The following CNBD1 variants were observed in gnomAD, a reference collection of about 807,000 sequenced individuals.
The protein encoded by CNBD1 is cyclic nucleotide binding domain containing 1, also known as cyclic nucleotide-binding domain-containing protein 1.
CNBD1 carries 71 observed loss-of-function variants against 54.4 expected under a neutral mutation model. That is an observed-to-expected ratio of 1.30 (90% CI 1.08 to 1.59). The LOEUF is 1.59. CNBD1 is among the 40% of genes most tolerant of loss of function. CNBD1 has a pLI of 0.00. For synonymous variants in CNBD1, 182 were observed against 170.7 expected (o/e 1.07, Z -0.51); for missense variants, 659 against 518.0 (o/e 1.27, Z -2.64).
chr8:87,240,323 G>T (rs1442724229), intron 6 of CNBD1, among the ~76,000 whole-genome samples: 1 of 152,066 alleles, frequency 6.6e-6, no homozygotes, highest in Admixed American at 6.6e-5. Context: ...TTGGAATTAT[G>T]TGGAAAAAAC....
chr8:86,950,694 T>C (rs985300545), intron 4 of CNBD1, among the ~76,000 whole-genome samples: 1 of 152,190 alleles, frequency 6.6e-6, no homozygotes, highest in Non-Finnish European at 1.5e-5. Context: ...CCCCTGTTTT[T>C]CAGAATAGTT....
At chr8:87,133,908 T>C (rs1460561469) in intron 4 of CNBD1, among the ~76,000 whole-genome samples, 1 of 152,138 alleles carries the variant, frequency 6.6e-6, no homozygotes, top group Admixed American at 6.6e-5. Context: ...GAGGCTCTAA[T>C]GGTAGAGCAC....
Position 87,389,811 on chromosome 8 carries a change from C to T in CNBD1, c.213+36025C>T, listed in dbSNP as rs140074298. Among the ~76,000 whole-genome samples, 400 of 152,254 alleles carry T rather than the reference C, an allele frequency of 2.6e-3. 9 individuals are homozygous for T. Among genetic ancestry groups the T allele is most frequent in the East Asian group, 0.017 (90 of 5,168 alleles). On this transcript the variant is annotated intron_variant, in intron 2 of 7. Coordinates refer to the CNBD1 transcript ENST00000521593. ...CCCAGTCAATCCTAAGCCGAAAGAA[C>T]AAAACTGGAGGCATCACGCTACCTG...
intron 8 of CNBD1, among the ~76,000 whole-genome samples, chr8:87,341,745 G>A (rs1041996080): frequency 2.6e-5 from 4 of 152,174 alleles, no homozygotes; most frequent in African/African-American, 9.7e-5. Context: ...GTAGCAACAA[G>A]ACATAATCTT....
chr8:86,883,725 A>C (rs952308782), intron 1 of CNBD1, among the ~76,000 whole-genome samples: 2 of 152,218 alleles, frequency 1.3e-5, no homozygotes, highest in South Asian at 2.1e-4. Flanking sequence ...AATTTCAAAA[A>C]ATATGAAGAA....
chr8:86,920,799 G>T (rs1809258418), intron 3 of CNBD1, among the ~76,000 whole-genome samples: 4 of 152,146 alleles, frequency 2.6e-5, no homozygotes, highest in Admixed American at 2.6e-4. Context: ...ATTTTACTGA[G>T]AATTTTACTT....
intron 4 of CNBD1, among the ~76,000 whole-genome samples, chr8:87,175,685 C>T (rs1378823852): frequency 6.6e-6 from 1 of 152,182 alleles, no homozygotes; most frequent in Admixed American, 6.5e-5. Flanking sequence ...GTTGTATTGC[C>T]TGGGGTTGGC....
intron 4 of CNBD1, among the ~76,000 whole-genome samples, chr8:87,125,549 A>C (rs1220031577): frequency 6.6e-6 from 1 of 151,856 alleles, no homozygotes; most frequent in African/African-American, 2.4e-5. Context: ...ATTCCATCTG[A>C]ATAGTCAAAT....
intron 8 of CNBD1, among the ~76,000 whole-genome samples, chr8:87,348,176 G>T (rs1810212215): frequency 6.6e-6 from 1 of 152,076 alleles, no homozygotes; most frequent in Non-Finnish European, 1.5e-5. Flanking sequence ...AGAAGGCATT[G>T]TATAATTGGA....
intron 4 of CNBD1, among the ~76,000 whole-genome samples, chr8:87,040,705 T>C (rs1586216395): frequency 6.6e-6 from 1 of 152,058 alleles, no homozygotes; most frequent in Non-Finnish European, 1.5e-5. Flanking sequence ...ATGACAGGCG[T>C]GAGCCACTGC....
intron 3 of CNBD1, among the ~76,000 whole-genome samples, chr8:86,905,459 A>C (rs1809003623): frequency 6.6e-6 from 1 of 152,198 alleles, no homozygotes; most frequent in African/African-American, 2.4e-5. Flanking sequence ...AATGAACGGC[A>C]GTGTTTATGA....
intron 2 of CNBD1, chr8:87,428,503 T>C (rs1403512146): frequency 2.7e-6 from 1 of 364,254 alleles, no homozygotes; most frequent in Non-Finnish European, 5.4e-6. Flanking sequence ...ATGAAGATTA[T>C]TTTTTTATGA....
chr8:87,087,557 G>A (rs1811126724), intron 4 of CNBD1, among the ~76,000 whole-genome samples: 1 of 147,650 alleles, frequency 6.8e-6, no homozygotes, highest in Admixed American at 6.9e-5. Flanking sequence ...TCCGCCTCCC[G>A]GGTTCACGCC....
intron 2 of CNBD1, among the ~76,000 whole-genome samples, chr8:87,424,004 G>T (rs965499842): frequency 6.6e-6 from 1 of 152,156 alleles, no homozygotes; most frequent in Non-Finnish European, 1.5e-5. Flanking sequence ...TTTAGTCTTG[G>T]GAGAGTGTAT....
intron 6 of CNBD1, 182 bp downstream of exon 6, chr8:87,237,294 G>T (rs1022385061): frequency 5.3e-5 from 22 of 414,202 alleles, no homozygotes; most frequent in Admixed American, 1.7e-4. Flanking sequence ...TTTGATAAAG[G>T]ATGCCTTCAA....
chr8:86,918,817 G>C (rs1018263846), intron 3 of CNBD1, among the ~76,000 whole-genome samples: 1 of 135,524 alleles, frequency 7.4e-6, no homozygotes, highest in Non-Finnish European at 1.6e-5. Context: ...AAAAAAAAAA[G>C]ATTTAGGGAG....
intron 4 of CNBD1, among the ~76,000 whole-genome samples, chr8:87,129,124 G>A (rs1235623790): frequency 7.2e-6 from 1 of 139,036 alleles, no homozygotes; most frequent in African/African-American, 2.7e-5. Flanking sequence ...ATATGAATCT[G>A]TAATTTTCTT....
chr8:87,336,660 A>T (rs567129139), intron 8 of CNBD1, among the ~76,000 whole-genome samples: 1 of 152,152 alleles, frequency 6.6e-6, no homozygotes, highest in Non-Finnish European at 1.5e-5. Flanking sequence ...TACCTCAGTG[A>T]AGTTTGTTAT....
At chr8:87,391,397 G>A (rs75087045) in intron 2 of CNBD1, among the ~76,000 whole-genome samples, 2,871 of 152,204 alleles carry the variant, frequency 0.019, 92 homozygotes, top group African/African-American at 0.062. Context: ...AAGAGTTTCA[G>A]AGTTGCCAGA....
Sources: gnomAD v4.1 joint callset for allele counts (sites outside exome capture counted in the v4.1 genomes callset) on GRCh38, gnomAD v4.1.1 for gene constraint, MANE v1.5 for transcripts, NCBI Gene and HGNC (gene_info 2026-07-23, HGNC 2026-07-21) for gene names.